The following ASB1 variants were observed in gnomAD, a reference collection of about 807,000 sequenced individuals.
ASB1 encodes the protein ankyrin repeat and SOCS box containing 1, also known as ankyrin repeat and SOCS box protein 1.
A neutral mutation model predicts 27.7 loss-of-function variants in ASB1; 18 were observed. The observed-to-expected ratio is 0.65, with a 90% confidence interval of 0.45 to 0.96. The LOEUF (loss-of-function observed/expected upper bound fraction) is 0.96. Ranked by LOEUF, ASB1 falls within the 50% of genes least tolerant of loss-of-function variation. ASB1 has a pLI of 0.00. For missense variants in ASB1, 397 were observed against 451.7 expected, an observed-to-expected ratio of 0.88 and a Z score of 1.10; for synonymous variants, 189 against 187.6, an observed-to-expected ratio of 1.01 and a Z score of -0.06.
chr2:238,445,814 G>T (rs1391458095), intron 4 of ASB1, among the ~76,000 whole-genome samples: 2 of 152,222 alleles, frequency 1.3e-5, no homozygotes, highest in Non-Finnish European at 1.5e-5. Flanking sequence ...AATAGTTAAT[G>T]AATGGTCAGC....
chr2:238,443,108 G>A (rs1222382045), intron 3 of ASB1, among the ~76,000 whole-genome samples: 1 of 152,006 alleles, frequency 6.6e-6, no homozygotes, highest in East Asian at 1.9e-4. Context: ...TTTAGTTCTA[G>A]TAATGACATT....
rs1315867264 is a variant in ASB1, at chr2:238,450,315, T to G, written c.*3804T>G. 1 of 152,386 alleles carries G rather than the reference T, an allele frequency of 6.6e-6. No homozygotes were observed. The highest frequency in any genetic ancestry group is 3.4e-3 in the Middle Eastern group (1 of 294). The allele number at this position is 152,386 out of a possible 1,614,324, so 9.4% of individuals were successfully genotyped here. ...ATTGATGAAGTCACATTTGTTCAAC[T>G]TAAAGGATTGTTCTTTATTCTGAAG... is the stretch of plus-strand genomic sequence containing the variant. On this transcript the variant is annotated 3_prime_UTR_variant, in exon 5 of 5. Transcript: ENST00000264607.
Position 238,449,956 on chromosome 2 carries a change from C to G in ASB1, c.*3445C>G, listed in dbSNP as rs1702251797. ...TGTGCTTTGCTGCCATCCGTGCGGC[C>G]TTGGCCACATCCCTATTAACAGAGG... On this transcript the variant is annotated 3_prime_UTR_variant, in exon 5 of 5. Transcript: ENST00000264607. The G allele has an allele frequency of 6.6e-6, 1 of 151,044 alleles. No homozygotes were observed. Among genetic ancestry groups the G allele is most frequent in the South Asian group, 2.1e-4 (1 of 4,766 alleles). The allele number at this position is 151,044 out of a possible 1,614,324, so 9.4% of individuals were successfully genotyped here.
chr2:238,435,606 T>C, intron 2 of ASB1, 105 bp from the exon 3 acceptor site: 1 of 1,224,618 alleles, frequency 8.2e-7, no homozygotes, highest in Admixed American at 2.6e-5. Context: ...GAGGCGTTAT[T>C]AACCAGAGGG....
chr2:238,445,152 G>A (rs114870822), intron 4 of ASB1, among the ~76,000 whole-genome samples: 1,608 of 151,688 alleles, frequency 0.011, 14 homozygotes, highest in Non-Finnish European at 0.017. Flanking sequence ...CTAATTTTTG[G>A]GTTTTTTGTA....
At chr2:238,429,673 C>T (rs1701828854) in intron 1 of ASB1, among the ~76,000 whole-genome samples, 1 of 152,174 alleles carries the variant, frequency 6.6e-6, no homozygotes, top group Non-Finnish European at 1.5e-5. Flanking sequence ...TGGTTCATGG[C>T]TGTAATCCCA....
rs1702185391 is a variant in ASB1 at position 238,446,587 on chromosome 2, G to A, written c.*76G>A. On this transcript the variant is annotated 3_prime_UTR_variant, in exon 5 of 5. Transcript: ENST00000264607. ...AGGTGGACACCGAGCCCTGAGTGCT[G>A]TGCTGCTGCTGGTCTCCTGATGGCT... is the stretch of plus-strand genomic sequence containing the variant. 28 of 1,566,202 alleles carry A rather than the reference G, an allele frequency of 1.8e-5. No homozygotes were observed. The highest frequency in any genetic ancestry group is 2.4e-5 in the Non-Finnish European group (28 of 1,148,132).
chr2:238,436,049 A>G (rs762834972), intron 3 of ASB1, 36 bp downstream of exon 3: 3 of 1,516,584 alleles, frequency 2.0e-6, no homozygotes, highest in Middle Eastern at 1.8e-4. Context: ...TCCTGCAGCC[A>G]CTTTATTTTT....
intron 2 of ASB1, among the ~76,000 whole-genome samples, chr2:238,434,445 T>A (rs915624700): frequency 6.6e-6 from 1 of 152,212 alleles, no homozygotes; most frequent in African/African-American, 2.4e-5. Context: ...GTTTCCGCGT[T>A]CCCTTCAGGA....
chr2:238,430,976 T>C (rs922807063), intron 1 of ASB1, among the ~76,000 whole-genome samples: 2 of 152,234 alleles, frequency 1.3e-5, no homozygotes, highest in South Asian at 2.1e-4. Flanking sequence ...AGTTTTGGAA[T>C]GGTGAATGAA....
chr2:238,427,034 G>GCGCGGGTCAGGGGCGGC lies in ASB1; in HGVS notation c.-31_-15dup, dbSNP rs2106399686. On this transcript the variant is annotated 5_prime_UTR_variant, in exon 1 of 5. Coordinates refer to ENST00000264607, the MANE Select transcript of ASB1 (RefSeq NM_001040445.3). ...GTTCTGCTTCCTGCCCGAGGGGCGTGCGCGGGTCAGGGGCGGCCGCGGAGG... is the reference window on the plus strand; with the variant it reads ...GTTCTGCTTCCTGCCCGAGGGGCGTGCGCGGGTCAGGGGCGGCCGCGGGTCAGGGGCGGCCGCGGAGG... 2 of 1,244,278 alleles carry GCGCGGGTCAGGGGCGGC rather than the reference G, an allele frequency of 1.6e-6. No individual in the cohort carries two copies. The highest frequency in any genetic ancestry group is 2.0e-6 in the Non-Finnish European group (2 of 994,070). 77.1% of individuals were successfully genotyped at this position (1,244,278 alleles called of 1,614,324 possible). A position where few individuals can be genotyped will look rare whatever the true frequency, so the allele number is the denominator to read the frequency against.
At chr2:238,442,205 G>A (rs1026110317) in intron 3 of ASB1, among the ~76,000 whole-genome samples, 1 of 149,088 alleles carries the variant, frequency 6.7e-6, no homozygotes, top group Non-Finnish European at 1.5e-5. Flanking sequence ...TGCAACCTCC[G>A]CCTCCCGGGT....
At chr2:238,429,138 G>A (rs1701819123) in intron 1 of ASB1, among the ~76,000 whole-genome samples, 1 of 152,144 alleles carries the variant, frequency 6.6e-6, no homozygotes, top group African/African-American at 2.4e-5. Flanking sequence ...CGTTTCACCT[G>A]TGGTTGAGTC....
At chr2:238,440,543 C>G (rs1464894579) in intron 3 of ASB1, among the ~76,000 whole-genome samples, 1 of 152,192 alleles carries the variant, frequency 6.6e-6, no homozygotes, top group East Asian at 1.9e-4. Flanking sequence ...GCTGCCTCTT[C>G]CCATACATGG....
At chr2:238,432,605 T>A (rs72985393) in intron 1 of ASB1, among the ~76,000 whole-genome samples, 107 of 152,294 alleles carry the variant, frequency 7.0e-4, no homozygotes, top group Admixed American at 1.2e-3. Flanking sequence ...GATTTTGCCG[T>A]ATGTCTTTTT....
At position 238,451,818 on chromosome 2, in the gene ASB1, C is replaced by T. The variant is rs914425408; in HGVS notation, c.*5307C>T. On this transcript the variant is annotated 3_prime_UTR_variant, in exon 5 of 5. Coordinates refer to ENST00000264607, the MANE Select transcript of ASB1 (RefSeq NM_001040445.3). ...GTTGGTCGTGCGAAATCTTGGTATT[C>T]GCATTTCAAGAAGGGAGTTCTTTTT... 1.3e-5 allele frequency: 2 copies of T among 152,532 alleles called. No individual in the cohort carries two copies. The highest frequency in any genetic ancestry group is 2.9e-5 in the Non-Finnish European group (2 of 68,036). 9.4% of individuals were successfully genotyped at this position (152,532 alleles called of 1,614,324 possible). A position where few individuals can be genotyped will look rare whatever the true frequency, so the allele number is the denominator to read the frequency against.
At chr2:238,430,965 G>C (rs976958866) in intron 1 of ASB1, among the ~76,000 whole-genome samples, 7 of 152,232 alleles carry the variant, frequency 4.6e-5, no homozygotes, top group African/African-American at 1.7e-4. Flanking sequence ...GCGCAGGCAG[G>C]AGTTTTGGAA....
intron 3 of ASB1, among the ~76,000 whole-genome samples, chr2:238,438,095 TGTTG>T (rs1559414141): frequency 6.6e-6 from 1 of 152,194 alleles, no homozygotes; most frequent in Non-Finnish European, 1.5e-5. Flanking sequence ...TGAAATTCCA[TGTTG>T]GTTCCAGAAA....
chr2:238,444,408 G>T lies in ASB1; in HGVS notation c.561G>T (p.Arg187=), dbSNP rs773096308. Residue 187 remains arginine (R), a synonymous_variant, in exon 4 of 5, where the codon CGG becomes CGT. Coordinates refer to ENST00000264607, the MANE Select transcript of ASB1 (RefSeq NM_001040445.3). ...ATGTCCAGCCTCGATTCTCCCGGCG[G>T]CTCACCTCCTTGGTGGTCTGCCCCT... ...TPDVQPRFSR[R]LTSLVVCPLY... is the part of the protein sequence containing the mutation. 2 of 1,613,564 alleles carry T rather than the reference G, an allele frequency of 1.2e-6. No homozygotes were observed. The highest frequency in any genetic ancestry group is 3.3e-5 in the Admixed American group (2 of 60,018).
Sources: allele counts gnomAD v4.1 joint callset (sites outside exome capture counted in the v4.1 genomes callset), GRCh38; gene constraint gnomAD v4.1.1; transcripts MANE v1.5; gene names NCBI Gene and HGNC (gene_info 2026-07-23, HGNC 2026-07-21).